Variants in IQCM observed in about 807,000 individuals in gnomAD.
The protein encoded by IQCM is IQ motif containing M.
Under a neutral mutation model 57.6 loss-of-function variants are expected in IQCM, and 45 were observed. The observed-to-expected ratio is 0.78, with a 90% CI of 0.62 to 1.00. The LOEUF (loss-of-function observed/expected upper bound fraction) is 1.00. Among genes scored for constraint, IQCM ranks in the 50% least tolerant of loss-of-function variants. IQCM has a pLI of 0.00. For synonymous variants in IQCM, 148 were observed against 158.9 expected (o/e 0.93, Z 0.51); for missense variants, 468 against 511.6 (o/e 0.91, Z 0.82).
intron 13 of IQCM, among the ~76,000 whole-genome samples, chr4:149,360,364 G>T (rs1729386872): frequency 6.6e-6 from 1 of 152,194 alleles, no homozygotes; most frequent in African/African-American, 2.4e-5. Flanking sequence ...CAAGAGGACA[G>T]GTGTATGTCA....
chr4:149,377,407 G>T (rs1730774931), intron 13 of IQCM, among the ~76,000 whole-genome samples: 1 of 152,106 alleles, frequency 6.6e-6, no homozygotes, highest in Non-Finnish European at 1.5e-5. Context: ...ATGCTTGCAG[G>T]ATTTCCAGGT....
At chr4:149,439,772 T>G (rs946744702) in intron 12 of IQCM, among the ~76,000 whole-genome samples, 3 of 152,118 alleles carry the variant, frequency 2.0e-5, no homozygotes, top group African/African-American at 7.2e-5. Flanking sequence ...CCCACCTTAG[T>G]TACATTTGTG....
At chr4:149,568,236 A>C (rs183969298) in intron 9 of IQCM, among the ~76,000 whole-genome samples, 1 of 152,170 alleles carries the variant, frequency 6.6e-6, no homozygotes, top group Non-Finnish European at 1.5e-5. Flanking sequence ...GGTCTCTGGA[A>C]GGCCTTTGCT....
At chr4:149,767,658 C>T in intron 2 of IQCM, among the ~76,000 whole-genome samples, 1 of 151,966 alleles carries the variant, frequency 6.6e-6, no homozygotes, top group East Asian at 1.9e-4. Context: ...CTATGGTCTT[C>T]CCTCACTGAT....
rs181474231 is a variant in IQCM at position 149,360,320 on chromosome 4, A to G, written c.1391-8254T>C. The stretch of plus-strand genomic sequence containing the variant: ...ATATGGTATTTACATTGTATTAGGT[A>G]TTGTAAGTAATCTAGAGAACAATTT... On this transcript the variant is annotated intron_variant, in intron 13 of 13. Transcript: ENST00000636793. 1.2e-3 allele frequency among the ~76,000 whole-genome samples: 185 copies of G among 152,338 alleles called. 2 individuals are homozygous for G. Among genetic ancestry groups the G allele is most frequent in the African/African-American group, 4.4e-3 (183 of 41,580 alleles).
intron 13 of IQCM, among the ~76,000 whole-genome samples, chr4:149,395,095 G>T (rs562466462): frequency 6.6e-6 from 1 of 152,104 alleles, no homozygotes; most frequent in East Asian, 1.9e-4. Flanking sequence ...CTTCCCTACT[G>T]AAATCTAAGA....
chr4:149,523,168 G>A (rs1354491744), intron 12 of IQCM, among the ~76,000 whole-genome samples: 1 of 152,094 alleles, frequency 6.6e-6, no homozygotes, highest in African/African-American at 2.4e-5. Context: ...GCGCTCTCCT[G>A]TCTCTTCTTA....
chr4:149,488,491 G>A (rs993821875), intron 12 of IQCM, among the ~76,000 whole-genome samples: 1 of 152,080 alleles, frequency 6.6e-6, no homozygotes, highest in Non-Finnish European at 1.5e-5. Flanking sequence ...TTCTTTGTAG[G>A]TCAGAAACAT....
At chr4:149,541,904 C>A (rs116329189) in intron 12 of IQCM, among the ~76,000 whole-genome samples, 97 of 152,094 alleles carry the variant, frequency 6.4e-4, no homozygotes, top group Admixed American at 5.4e-3. Flanking sequence ...TGAAAAAATG[C>A]GTAGGTTGCA....
At chr4:149,753,421 T>C (rs1019508434) in intron 2 of IQCM, among the ~76,000 whole-genome samples, 10 of 152,060 alleles carry the variant, frequency 6.6e-5, no homozygotes, top group African/African-American at 2.2e-4. Flanking sequence ...TAAAAATACG[T>C]TCTTTCAAAA....
chr4:149,531,119 G>C (rs563593404), intron 12 of IQCM, among the ~76,000 whole-genome samples: 5 of 152,182 alleles, frequency 3.3e-5, no homozygotes, highest in South Asian at 4.1e-4. Flanking sequence ...AGAAATGATA[G>C]AGTAAGTTAT....
chr4:149,514,091 T>TA (rs951084910), intron 12 of IQCM, among the ~76,000 whole-genome samples: 26 of 150,920 alleles, frequency 1.7e-4, no homozygotes, highest in African/African-American at 5.1e-4. Flanking sequence ...GAGAAGAATG[T>TA]AAAAAAAAAG....
intron 13 of IQCM, among the ~76,000 whole-genome samples, chr4:149,371,404 A>G (rs985128044): frequency 1.3e-5 from 2 of 152,164 alleles, no homozygotes; most frequent in Admixed American, 1.3e-4. Flanking sequence ...TCCTCTGATC[A>G]GGATAGGAGA....
At chr4:149,427,731 A>T (rs923438017) in intron 13 of IQCM, among the ~76,000 whole-genome samples, 4 of 151,908 alleles carry the variant, frequency 2.6e-5, no homozygotes, top group Non-Finnish European at 5.9e-5. Context: ...GTAAACATAA[A>T]ACATTTCTCC....
intron 7 of IQCM, among the ~76,000 whole-genome samples, chr4:149,626,851 G>A (rs961266068): frequency 2.0e-5 from 3 of 152,026 alleles, no homozygotes; most frequent in Admixed American, 1.3e-4. Context: ...AAAGCAATCA[G>A]TGACTTTTAC....
intron 12 of IQCM, among the ~76,000 whole-genome samples, chr4:149,542,833 C>A (rs1267922226): frequency 1.3e-5 from 2 of 151,992 alleles, no homozygotes; most frequent in African/African-American, 4.8e-5. Flanking sequence ...ATAATTATTT[C>A]ATTTAAGCCT....
At chr4:149,769,225 C>T (rs1164218789) in intron 2 of IQCM, among the ~76,000 whole-genome samples, 1 of 151,904 alleles carries the variant, frequency 6.6e-6, no homozygotes, top group Non-Finnish European at 1.5e-5. Flanking sequence ...GAAACTCTTC[C>T]ATACCCATGA....
intron 5 of IQCM, among the ~76,000 whole-genome samples, chr4:149,692,296 T>C (rs1451269891): frequency 6.6e-6 from 1 of 152,208 alleles, no homozygotes; most frequent in South Asian, 2.1e-4. Flanking sequence ...AGGGTTCATT[T>C]GTTACTCAAC....
chr4:149,647,224 T>C (rs897323097), intron 7 of IQCM, among the ~76,000 whole-genome samples: 2 of 152,208 alleles, frequency 1.3e-5, no homozygotes, highest in Non-Finnish European at 2.9e-5. Context: ...TGCTCTTTAA[T>C]ACCTTAACTT....
Sources: allele counts gnomAD v4.1 joint callset (sites outside exome capture counted in the v4.1 genomes callset), GRCh38; gene constraint gnomAD v4.1.1; transcripts MANE v1.5; gene names NCBI Gene and HGNC (gene_info 2026-07-23, HGNC 2026-07-21).